Variants in PTPRD observed in about 807,000 individuals in gnomAD.
PTPRD encodes the protein receptor-type tyrosine-protein phosphatase delta.
Under a neutral mutation model 214.5 loss-of-function variants are expected in PTPRD, and 34 were observed. The observed-to-expected ratio is 0.16, with a 90% CI of 0.12 to 0.21. The LOEUF (loss-of-function observed/expected upper bound fraction) is 0.21. PTPRD is among the 10% of genes least tolerant of loss of function. PTPRD has a pLI of 1.00. For missense variants in PTPRD, 2,545 were observed against 2,398.7 expected (o/e 1.06, Z -1.27); for synonymous variants, 1,128 against 845.7 (o/e 1.33, Z -5.79).
intron 12 of PTPRD, among the ~76,000 whole-genome samples, chr9:8,670,869 G>A (rs996035717): frequency 1.3e-5 from 2 of 152,212 alleles, no homozygotes; most frequent in African/African-American, 4.8e-5. Context: ...AGTAGTTAGA[G>A]AGGATCACTG....
intron 3 of PTPRD, among the ~76,000 whole-genome samples, chr9:10,285,784 G>A (rs1416057299): frequency 6.6e-6 from 1 of 151,688 alleles, no homozygotes; most frequent in Non-Finnish European, 1.5e-5. Context: ...CTAACTTTTT[G>A]TATTTTTAGT....
At chr9:10,425,586 T>C (rs1697052729) in intron 2 of PTPRD, among the ~76,000 whole-genome samples, 1 of 151,996 alleles carries the variant, frequency 6.6e-6, no homozygotes, top group Admixed American at 6.6e-5. Flanking sequence ...CTAAACTCAT[T>C]TCAAACAAAA....
rs969331964 is a variant in PTPRD at position 8,548,279 on chromosome 9, G to A, written c.353-19500C>T. Among the ~76,000 whole-genome samples the A allele has an allele frequency of 3.7e-4, 56 of 152,160 alleles. 1 individual carries two copies. Among genetic ancestry groups the A allele is most frequent in the Admixed American group, 6.6e-5 (1 of 15,266 alleles). Reference sequence around the variant, plus strand: ...AGACAGTGTGCAAGGTCTGTTGAAGGATGATGCAAAGATGGCTGGCCAGGT... The same window carrying A: ...AGACAGTGTGCAAGGTCTGTTGAAGAATGATGCAAAGATGGCTGGCCAGGT... On this transcript the variant is annotated intron_variant, in intron 14 of 45. Coordinates refer to ENST00000381196, the MANE Select transcript of PTPRD (RefSeq NM_002839.4).
chr9:9,121,989 A>G lies in PTPRD; in HGVS notation c.-143+61315T>C, dbSNP rs142623569. On this transcript the variant is annotated intron_variant, in intron 10 of 45. Coordinates refer to ENST00000381196, the MANE Select transcript of PTPRD (RefSeq NM_002839.4). ...GAGCATCAAGATATTTGCTATCACT[A>G]TTTATTTAATGTTCCCAGAATTTGT... Among the ~76,000 whole-genome samples the G allele has an allele frequency of 1.0e-3, 156 of 152,266 alleles. 1 individual carries two copies. Among genetic ancestry groups the G allele is most frequent in the African/African-American group, 3.7e-3 (152 of 41,546 alleles).
intron 8 of PTPRD, among the ~76,000 whole-genome samples, chr9:9,514,709 C>T (rs890610806): frequency 6.6e-6 from 1 of 152,194 alleles, no homozygotes; most frequent in Admixed American, 6.6e-5. Flanking sequence ...TGAAGGTCCT[C>T]CTCAGTGCCT....
chr9:8,668,852 G>C (rs775663522), intron 12 of PTPRD, among the ~76,000 whole-genome samples: 1 of 152,142 alleles, frequency 6.6e-6, no homozygotes. Context: ...AAAAGTTAGA[G>C]ATAGCTTGCA....
chr9:8,408,026 G>C (rs2093172505), intron 35 of PTPRD, among the ~76,000 whole-genome samples: 1 of 152,154 alleles, frequency 6.6e-6, no homozygotes, highest in African/African-American at 2.4e-5. Flanking sequence ...AAGACAAAGA[G>C]ATCATGAATG....
intron 14 of PTPRD, among the ~76,000 whole-genome samples, chr9:8,598,743 T>C (rs2094617933): frequency 6.6e-6 from 1 of 152,146 alleles, no homozygotes; most frequent in Non-Finnish European, 1.5e-5. Flanking sequence ...GGAAGAGCCA[T>C]TTGTAAAGGA....
At chr9:10,482,042 A>T (rs934312809) in intron 2 of PTPRD, among the ~76,000 whole-genome samples, 1 of 152,154 alleles carries the variant, frequency 6.6e-6, no homozygotes, top group Non-Finnish European at 1.5e-5. Context: ...AATATAAAAA[A>T]GTGAATAAAA....
chr9:10,033,799 A>G lies in PTPRD; in HGVS notation c.-544-9T>C, dbSNP rs995343694. On this transcript the variant is annotated splice_polypyrimidine_tract_variant and intron_variant, in intron 3 of 45. Coordinates refer to ENST00000381196, the MANE Select transcript of PTPRD (RefSeq NM_002839.4). Reference sequence around the variant, plus strand: ...GACTCCTCAAGATTTCCCTGAAAGGAAAAGTGAGAGATCGCTTTAATTCAC... The same window carrying G: ...GACTCCTCAAGATTTCCCTGAAAGGGAAAGTGAGAGATCGCTTTAATTCAC... 1.3e-5 allele frequency: 2 copies of G among 152,128 alleles called. No individual in the cohort carries two copies. Among genetic ancestry groups the G allele is most frequent in the Non-Finnish European group, 2.9e-5 (2 of 67,990 alleles). The allele number at this position is 152,128 out of a possible 1,614,324, so 9.4% of individuals were successfully genotyped here. A position where few individuals can be genotyped will look rare whatever the true frequency, so the allele number is the denominator to read the frequency against.
chr9:8,534,525 C>T lies in PTPRD; in HGVS notation c.353-5746G>A, dbSNP rs73428226. On this transcript the variant is annotated intron_variant, in intron 14 of 45. Transcript: ENST00000381196. ...AACAAGAGTGATTTCTTTTCTTTGA[C>T]GGGTGGAAAGACTGAGTGAGAAAAG... Among the ~76,000 whole-genome samples, 422 of 151,530 alleles carry T rather than the reference C, an allele frequency of 2.8e-3. 1 individual carries two copies. Among genetic ancestry groups the T allele is most frequent in the East Asian group, 0.014 (73 of 5,142 alleles).
chr9:9,245,313 T>A lies in PTPRD; in HGVS notation c.-202-61950A>T, dbSNP rs541346132. On this transcript the variant is annotated intron_variant, in intron 9 of 45. Coordinates refer to ENST00000381196, the MANE Select transcript of PTPRD (RefSeq NM_002839.4). ...TAAATCATGCTGCTATGAAGACACA[T>A]GCACACGTATGTTTATTGCGGCACT... is the stretch of plus-strand genomic sequence containing the variant. Among the ~76,000 whole-genome samples, 10 of 152,248 alleles carry A rather than the reference T, an allele frequency of 6.6e-5. No homozygotes were observed. The South Asian group carries it at 1.9e-3, about 28-fold the overall frequency.
At chr9:9,387,767 T>C (rs1295046957) in intron 9 of PTPRD, among the ~76,000 whole-genome samples, 1 of 152,166 alleles carries the variant, frequency 6.6e-6, no homozygotes, top group African/African-American at 2.4e-5. Context: ...TCCCCACTGC[T>C]CAATCCTCTA....
At chr9:9,143,354 C>A (rs913767847) in intron 10 of PTPRD, among the ~76,000 whole-genome samples, 1 of 152,166 alleles carries the variant, frequency 6.6e-6, no homozygotes, top group Non-Finnish European at 1.5e-5. Context: ...ACTCTTATTA[C>A]AATGTTCCTT....
chr9:9,208,037 T>TTTTTTTTTTTTTC (rs58213826), intron 9 of PTPRD, among the ~76,000 whole-genome samples: 1 of 140,116 alleles, frequency 7.1e-6, no homozygotes, highest in Non-Finnish European at 1.5e-5. Flanking sequence ...TTTTTTTTTT[T>TTTTTTTTTTTTTC]GAGACAGAGC....
rs115361395 is a variant in PTPRD at position 9,940,057 on chromosome 9, G to T, written c.-471-1447C>A. 2.7e-3 allele frequency among the ~76,000 whole-genome samples: 417 copies of T among 152,218 alleles called. 2 individuals carry two copies. Among genetic ancestry groups the T allele is most frequent in the African/African-American group, 9.7e-3 (403 of 41,530 alleles). On this transcript the variant is annotated intron_variant, in intron 4 of 45. Transcript: ENST00000381196. ...GGTAACTTGAGTAGAGCTTAATAAA[G>T]AACTCATTTATAAAAGTGTGGGCTG...
chr9:8,372,864 T>C (rs1909754), intron 39 of PTPRD, among the ~76,000 whole-genome samples: 138,677 of 152,006 alleles, frequency 0.91, 63,300 homozygotes, highest in African/African-American at 0.94. Flanking sequence ...ACCGCCAGCC[T>C]GACCTTTTTT....
intron 10 of PTPRD, among the ~76,000 whole-genome samples, chr9:9,060,621 A>G (rs1445374695): frequency 1.3e-5 from 2 of 152,142 alleles, no homozygotes; most frequent in East Asian, 3.9e-4. Flanking sequence ...AACAGATAGT[A>G]TATAGTGATA....
intron 2 of PTPRD, among the ~76,000 whole-genome samples, chr9:10,608,173 G>A (rs2079990394): frequency 6.6e-6 from 1 of 151,984 alleles, no homozygotes; most frequent in African/African-American, 2.4e-5. Context: ...CAAATGTGAT[G>A]CTGCAAAATA....
Sources: gnomAD v4.1 joint callset for allele counts (sites outside exome capture counted in the v4.1 genomes callset) on GRCh38, gnomAD v4.1.1 for gene constraint, MANE v1.5 for transcripts, NCBI Gene and HGNC (gene_info 2026-07-23, HGNC 2026-07-21) for gene names.